PLAAT3: variants seen among roughly 807,000 people sequenced by gnomAD.
PLAAT3 encodes Ca-independent phospholipase A1/2.
PLAAT3 carries 21 observed loss-of-function variants against 16.7 expected under a neutral mutation model. The ratio of observed to expected loss-of-function variants is 1.26; its 90% CI spans 0.89 to 1.81. The LOEUF is 1.81. Ranked by LOEUF, PLAAT3 falls within the 40% of genes most tolerant of loss-of-function variation. The pLI, the probability that PLAAT3 is intolerant of heterozygous loss-of-function variation, is 0.00. For synonymous variants in PLAAT3, 76 were observed against 81.7 expected (o/e 0.93, Z 0.38); for missense variants, 219 against 213.7 (o/e 1.02, Z -0.16).
chr11:63,579,002 C>A (rs1937708890), intron 4 of PLAAT3, among the ~76,000 whole-genome samples: 1 of 152,134 alleles, frequency 6.6e-6, no homozygotes, highest in African/African-American at 2.4e-5. Flanking sequence ...CCAGAATCTA[C>A]AATGAACTCA....
At chr11:63,589,962 C>A in intron 4 of PLAAT3, 138 bp downstream of exon 4, 1 of 726,150 alleles carries the variant, frequency 1.4e-6, no homozygotes. Context: ...CACCCTTGTC[C>A]CAACTGTGAC....
chr11:63,615,240 GTATATATGTGTGTGTATA>G (rs1325188783), upstream of PLAAT3, among the ~76,000 whole-genome samples: 369 of 59,698 alleles, frequency 6.2e-3, 118 homozygotes, highest in Non-Finnish European at 0.012. Flanking sequence ...GTATATATGT[GTATATATGTGTGTGTATA>G]TATATGTGTG....
chr11:63,600,705 C>A (rs1394884308), intron 2 of PLAAT3, among the ~76,000 whole-genome samples: 1 of 151,366 alleles, frequency 6.6e-6, no homozygotes, highest in African/African-American at 2.4e-5. Flanking sequence ...CGGGTTCAAG[C>A]GATTCTCCTG....
chr11:63,584,961 A>G (rs1937930267), intron 4 of PLAAT3, among the ~76,000 whole-genome samples: 1 of 152,146 alleles, frequency 6.6e-6, no homozygotes, highest in African/African-American at 2.4e-5. Context: ...AAAGAAAAAT[A>G]CTGGTGGACA....
intron 4 of PLAAT3, among the ~76,000 whole-genome samples, chr11:63,576,882 A>G (rs1216127916): frequency 1.3e-5 from 2 of 152,238 alleles, no homozygotes; most frequent in African/African-American, 2.4e-5. Context: ...GTGCCTTTAC[A>G]CAAGTACCAC....
At chr11:63,577,685 G>A (rs1937653255) in intron 4 of PLAAT3, among the ~76,000 whole-genome samples, 4 of 152,142 alleles carry the variant, frequency 2.6e-5, no homozygotes, top group Admixed American at 1.3e-4. Context: ...ACAGCATATT[G>A]CATCCAAAAG....
At chr11:63,581,106 G>C (rs528763439) in intron 4 of PLAAT3, among the ~76,000 whole-genome samples, 1 of 152,198 alleles carries the variant, frequency 6.6e-6, no homozygotes, top group African/African-American at 2.4e-5. Flanking sequence ...GAGAATGTAC[G>C]TCACCTCAGG....
At chr11:63,587,991 A>T (rs1385966419) in intron 4 of PLAAT3, among the ~76,000 whole-genome samples, 1 of 152,090 alleles carries the variant, frequency 6.6e-6, no homozygotes, top group African/African-American at 2.4e-5. Context: ...AGGCGTTAGG[A>T]TCATTTGAGC....
intron 4 of PLAAT3, among the ~76,000 whole-genome samples, chr11:63,586,119 T>C (rs2134400923): frequency 6.6e-6 from 1 of 152,092 alleles, no homozygotes; most frequent in East Asian, 1.9e-4. Flanking sequence ...TGGGTGTGTG[T>C]GTGTGTGTGT....
chr11:63,603,450 T>C (rs1205442604), intron 2 of PLAAT3, among the ~76,000 whole-genome samples: 1 of 152,058 alleles, frequency 6.6e-6, no homozygotes, highest in Non-Finnish European at 1.5e-5. Flanking sequence ...CCATTTTCCT[T>C]AGCAAGCAAA....
intron 2 of PLAAT3, among the ~76,000 whole-genome samples, chr11:63,607,393 G>A (rs11231532): frequency 0.024 from 3,709 of 152,198 alleles, 139 homozygotes; most frequent in African/African-American, 0.085. Context: ...GGGACACAGT[G>A]GCATGTGCCT....
At chr11:63,607,177 G>A (rs566182812) in intron 2 of PLAAT3, among the ~76,000 whole-genome samples, 1 of 152,226 alleles carries the variant, frequency 6.6e-6, no homozygotes, top group Non-Finnish European at 1.5e-5. Context: ...GCGGGATGGG[G>A]CTGTTTAGAG....
intron 4 of PLAAT3, among the ~76,000 whole-genome samples, chr11:63,583,572 A>G (rs1937882897): frequency 6.6e-6 from 1 of 152,188 alleles, no homozygotes; most frequent in Non-Finnish European, 1.5e-5. Flanking sequence ...TAATAGTGCA[A>G]ACTTGATGGG....
upstream of PLAAT3, chr11:63,616,177 A>G (rs1471081157): frequency 6.6e-6 from 1 of 152,234 alleles, no homozygotes; most frequent in East Asian, 1.9e-4. Context: ...ATGTTGTGCA[A>G]TAGATCTGGT....
intron 4 of PLAAT3, among the ~76,000 whole-genome samples, chr11:63,576,504 C>T (rs2017663452): frequency 6.6e-6 from 1 of 152,090 alleles, no homozygotes; most frequent in South Asian, 2.1e-4. Flanking sequence ...GCCTATAGTC[C>T]CAGGTACTCA....
intron 2 of PLAAT3, 36 bp from the exon 3 acceptor site, chr11:63,598,199 T>A (rs372985043): frequency 1.4e-6 from 2 of 1,445,422 alleles, no homozygotes; most frequent in Non-Finnish European, 1.9e-6. Flanking sequence ...AGAGGGAGCA[T>A]GAGATCGTGG....
At chr11:63,592,037 T>A (rs988684437) in intron 3 of PLAAT3, among the ~76,000 whole-genome samples, 13 of 152,194 alleles carry the variant, frequency 8.5e-5, no homozygotes, top group Admixed American at 2.6e-4. Flanking sequence ...AAGCTCTGGG[T>A]TCGACCCCAG....
chr11:63,607,222 C>A (rs1403643225), intron 2 of PLAAT3, among the ~76,000 whole-genome samples: 6 of 152,180 alleles, frequency 3.9e-5, no homozygotes, highest in Non-Finnish European at 7.3e-5. Flanking sequence ...GGCACTCACG[C>A]TGGGCAGCGG....
chr11:63,586,307 T>C (rs1169363770), intron 4 of PLAAT3, among the ~76,000 whole-genome samples: 1 of 152,180 alleles, frequency 6.6e-6, no homozygotes, highest in East Asian at 1.9e-4. Flanking sequence ...CTAATTTTTG[T>C]ATTTTTAGTA....
Sources: gnomAD v4.1 joint callset for allele counts (sites outside exome capture counted in the v4.1 genomes callset) on GRCh38, gnomAD v4.1.1 for gene constraint, MANE v1.5 for transcripts, NCBI Gene and HGNC (gene_info 2026-07-23, HGNC 2026-07-21) for gene names.